COL24A1: variants seen among roughly 807,000 people sequenced by gnomAD.
COL24A1 encodes the protein collagen alpha-1(XXIV) chain.
COL24A1 carries 224 observed loss-of-function variants against 253.9 expected under a neutral mutation model. The observed-to-expected ratio is 0.88, with a 90% CI of 0.79 to 0.99. The LOEUF (loss-of-function observed/expected upper bound fraction) is 0.99. COL24A1 is among the 50% of genes least tolerant of loss of function. COL24A1 has a pLI of 0.00. For missense variants in COL24A1, 2,131 were observed against 2,068.5 expected, an observed-to-expected ratio of 1.03 and a Z score of -0.59; for synonymous variants, 685 against 673.7, an observed-to-expected ratio of 1.02 and a Z score of -0.26.
chr1:85,956,454 G>A (rs927591661), intron 24 of COL24A1, among the ~76,000 whole-genome samples: 2 of 152,042 alleles, frequency 1.3e-5, no homozygotes, highest in African/African-American at 4.8e-5. Context: ...TTATACATTA[G>A]CACACCAGAC....
At position 86,012,147 on chromosome 1, in the gene COL24A1, A is replaced by C. The variant is rs1406656240; in HGVS notation, c.2310+5004T>G. ...AAAATAAAAAAAATAAATAAAAATA[A>C]ATTTAAAAAAAGTTCTACAGGTGAT... is the stretch of plus-strand genomic sequence containing the variant. On this transcript the variant is annotated intron_variant, in intron 19 of 59. Transcript: ENST00000370571. Among the ~76,000 whole-genome samples the C allele has an allele frequency of 3.9e-5, 6 of 152,132 alleles. No individual in the cohort carries two copies. The East Asian group carries it at 5.8e-4, about 15-fold the overall frequency.
intron 2 of COL24A1, among the ~76,000 whole-genome samples, chr1:86,137,855 G>A (rs770957294): frequency 1.3e-5 from 2 of 152,128 alleles, no homozygotes; most frequent in Non-Finnish European, 2.9e-5. Context: ...TTCTCTCAGT[G>A]AAGAGTCTCA....
chr1:85,734,671 T>C, intron 59 of COL24A1, 78 bp downstream of exon 59: 1 of 1,319,668 alleles, frequency 7.6e-7, no homozygotes, highest in Non-Finnish European at 1.1e-6. Flanking sequence ...AAAGTCTTAC[T>C]CTAATTATCC....
chr1:85,807,004 GAGA>G (rs1672047014), intron 47 of COL24A1, among the ~76,000 whole-genome samples: 1 of 152,180 alleles, frequency 6.6e-6, no homozygotes, highest in African/African-American at 2.4e-5. Context: ...GGTGGAGAAA[GAGA>G]AGAACTCCAA....
At chr1:85,861,843 C>G (rs759050375) in intron 37 of COL24A1, among the ~76,000 whole-genome samples, 2 of 152,174 alleles carry the variant, frequency 1.3e-5, no homozygotes, top group Non-Finnish European at 1.5e-5. Flanking sequence ...TCAAGCTCAT[C>G]TCAAACAACT....
chr1:85,969,060 A>T (rs2100746808), intron 22 of COL24A1, among the ~76,000 whole-genome samples: 1 of 152,300 alleles, frequency 6.6e-6, no homozygotes, highest in Non-Finnish European at 1.5e-5. Flanking sequence ...AATAGCAACA[A>T]CAATAATAAT....
At chr1:85,987,515 T>G in intron 20 of COL24A1, 86 bp downstream of exon 20, 1 of 1,151,954 alleles carries the variant, frequency 8.7e-7, no homozygotes, top group Non-Finnish European at 1.3e-6. Flanking sequence ...TGTTCTGATA[T>G]TCCTAAAATA....
intron 50 of COL24A1, 70 bp downstream of exon 50, chr1:85,784,043 G>T: frequency 8.1e-7 from 1 of 1,228,618 alleles, no homozygotes; most frequent in Non-Finnish European, 1.2e-6. Flanking sequence ...TCAAGTTACA[G>T]ACTATATTAT....
intron 24 of COL24A1, among the ~76,000 whole-genome samples, chr1:85,915,751 C>A (rs59342371): frequency 0.011 from 1,671 of 152,248 alleles, 26 homozygotes; most frequent in African/African-American, 0.039. Flanking sequence ...TGGGTTCATG[C>A]AATTCTCCTG....
chr1:86,055,146 G>A (rs1700577321), intron 10 of COL24A1, among the ~76,000 whole-genome samples: 1 of 152,162 alleles, frequency 6.6e-6, no homozygotes, highest in South Asian at 2.1e-4. Context: ...TCCCTAAGGA[G>A]GGAGGGCCAG....
intron 43 of COL24A1, among the ~76,000 whole-genome samples, chr1:85,824,523 C>T (rs1674005086): frequency 6.6e-6 from 1 of 152,142 alleles, no homozygotes; most frequent in African/African-American, 2.4e-5. Flanking sequence ...AACTTCACAA[C>T]TATTTGGACG....
At chr1:85,944,617 C>CT (rs1689073852) in intron 24 of COL24A1, among the ~76,000 whole-genome samples, 1 of 151,276 alleles carries the variant, frequency 6.6e-6, no homozygotes, top group Non-Finnish European at 1.5e-5. Flanking sequence ...TATTATTATA[C>CT]TTTAAGTTTT....
chr1:86,112,196 T>C (rs1174105219), intron 5 of COL24A1, among the ~76,000 whole-genome samples: 3 of 152,184 alleles, frequency 2.0e-5, no homozygotes, highest in East Asian at 1.9e-4. Context: ...AGGTAAATAA[T>C]ATTTTATTTC....
chr1:85,948,291 G>A (rs190089063), intron 24 of COL24A1, among the ~76,000 whole-genome samples: 30 of 151,932 alleles, frequency 2.0e-4, no homozygotes, highest in Middle Eastern at 3.4e-3. Flanking sequence ...TTGGGAGGCC[G>A]AGGCGGGCGG....
At chr1:85,774,423 C>T (rs569734049) in intron 53 of COL24A1, among the ~76,000 whole-genome samples, 187 of 152,060 alleles carry the variant, frequency 1.2e-3, no homozygotes, top group Non-Finnish European at 2.2e-3. Flanking sequence ...TTCTATTGAT[C>T]GGAATAGTTT....
intron 14 of COL24A1, among the ~76,000 whole-genome samples, chr1:86,024,341 T>C (rs1697823643): frequency 6.6e-6 from 1 of 152,134 alleles, no homozygotes; most frequent in African/African-American, 2.4e-5. Context: ...ATTTTTTTTA[T>C]TTCCCAGACC....
At chr1:86,043,169 A>T (rs1422745459) in intron 12 of COL24A1, among the ~76,000 whole-genome samples, 1 of 152,192 alleles carries the variant, frequency 6.6e-6, no homozygotes, top group Admixed American at 6.5e-5. Context: ...TTCTCTAAAA[A>T]TATCTACTAT....
At chr1:85,878,169 G>A (rs1246965368) in intron 32 of COL24A1, among the ~76,000 whole-genome samples, 1 of 152,118 alleles carries the variant, frequency 6.6e-6, no homozygotes, top group African/African-American at 2.4e-5. Flanking sequence ...TAACAAAATA[G>A]TATAAATTAA....
intron 12 of COL24A1, among the ~76,000 whole-genome samples, chr1:86,037,001 T>G (rs182376362): frequency 6.6e-6 from 1 of 152,298 alleles, no homozygotes; most frequent in African/African-American, 2.4e-5. Context: ...GTTTCACAAA[T>G]GTTAACTTTC....
Sources: allele counts gnomAD v4.1 joint callset (sites outside exome capture counted in the v4.1 genomes callset), GRCh38; gene constraint gnomAD v4.1.1; transcripts MANE v1.5; gene names NCBI Gene and HGNC (gene_info 2026-07-23, HGNC 2026-07-21).